Variants in ECT2L observed in about 807,000 individuals in gnomAD.
ECT2L encodes the protein epithelial cell-transforming sequence 2 oncogene-like.
In ECT2L, 126 loss-of-function variants were observed where a neutral mutation model predicts 122.8. The ratio of observed to expected loss-of-function variants is 1.03; its 90% confidence interval spans 0.89 to 1.19. The LOEUF is 1.19. ECT2L is among the 50% of genes most tolerant of loss of function. ECT2L has a pLI of 0.00. For missense variants in ECT2L, 1,012 were observed against 1,064.1 expected (o/e 0.95, Z 0.68); for synonymous variants, 385 against 381.8 (o/e 1.01, Z -0.10).
intron 13 of ECT2L, among the ~76,000 whole-genome samples, chr6:138,876,096 G>A (rs1176642186): frequency 6.6e-6 from 1 of 151,874 alleles, no homozygotes; most frequent in Non-Finnish European, 1.5e-5. Context: ...TCCAGCCTGG[G>A]CGAGAGTGAG....
At chr6:138,868,984 T>C (rs1778148022) in intron 13 of ECT2L, among the ~76,000 whole-genome samples, 1 of 152,090 alleles carries the variant, frequency 6.6e-6, no homozygotes, top group African/African-American at 2.4e-5. Context: ...CTGGCCAACA[T>C]GGTGAAACCC....
At chr6:138,889,998 C>A (rs991913405) in intron 20 of ECT2L, among the ~76,000 whole-genome samples, 10 of 152,118 alleles carry the variant, frequency 6.6e-5, no homozygotes, top group African/African-American at 2.4e-4. Flanking sequence ...ATACACTATT[C>A]ATAAACAGTA....
At chr6:138,836,286 A>T (rs1474493008) in intron 4 of ECT2L, among the ~76,000 whole-genome samples, 3 of 142,600 alleles carry the variant, frequency 2.1e-5, no homozygotes, top group African/African-American at 8.1e-5. Flanking sequence ...AGCATTCATT[A>T]ATCTTTTTTT....
chr6:138,801,383 C>A (rs1480415505), intron 1 of ECT2L, among the ~76,000 whole-genome samples: 1 of 152,082 alleles, frequency 6.6e-6, no homozygotes, highest in Non-Finnish European at 1.5e-5. Flanking sequence ...AGTAAAGGCC[C>A]AGATAATAAA....
chr6:138,864,852 T>C, intron 11 of ECT2L, 144 bp from the exon 12 acceptor site: 1 of 653,468 alleles, frequency 1.5e-6, no homozygotes, highest in Non-Finnish European at 2.4e-6. Context: ...AAACAGAGGA[T>C]GGGTGTTTGT....
At chr6:138,893,145 C>A (rs987412198) in intron 20 of ECT2L, among the ~76,000 whole-genome samples, 1 of 151,432 alleles carries the variant, frequency 6.6e-6, no homozygotes, top group Admixed American at 6.6e-5. Flanking sequence ...TGGACTGTGA[C>A]CTTCACAAGT....
At chr6:138,869,116 G>A (rs140006829) in intron 13 of ECT2L, among the ~76,000 whole-genome samples, 2,357 of 152,262 alleles carry the variant, frequency 0.015, 53 homozygotes, top group African/African-American at 0.054. Context: ...GCAGTGAGCT[G>A]GGATCGTGCC....
intron 4 of ECT2L, among the ~76,000 whole-genome samples, chr6:138,835,051 C>T (rs534804210): frequency 6.6e-6 from 1 of 152,150 alleles, no homozygotes; most frequent in East Asian, 1.9e-4. Flanking sequence ...ATCAAAAAAA[C>T]AGCAGTGACT....
chr6:138,799,090 A>C (rs112684460), intron 1 of ECT2L, among the ~76,000 whole-genome samples: 2,426 of 152,294 alleles, frequency 0.016, 71 homozygotes, highest in African/African-American at 0.055. Context: ...CTGATTCACG[A>C]ATCGTCCATT....
chr6:138,813,409 C>T (rs758979382), intron 3 of ECT2L, 69 bp downstream of exon 3: 4 of 1,174,460 alleles, frequency 3.4e-6, no homozygotes, highest in Non-Finnish European at 4.9e-6. Flanking sequence ...TATATTGGGT[C>T]TCATGTTGCC....
chr6:138,833,380 A>C (rs1776715768), intron 4 of ECT2L, among the ~76,000 whole-genome samples: 1 of 152,206 alleles, frequency 6.6e-6, no homozygotes, highest in Non-Finnish European at 1.5e-5. Flanking sequence ...AAATCCTTAG[A>C]CATATCTTTA....
chr6:138,835,298 C>G (rs1219380253), intron 4 of ECT2L, among the ~76,000 whole-genome samples: 4 of 152,128 alleles, frequency 2.6e-5, no homozygotes, highest in Non-Finnish European at 5.9e-5. Flanking sequence ...CCTGTAATCC[C>G]AGCACTTTGG....
Position 138,844,599 on chromosome 6 carries a change from A to G in ECT2L, c.764+19A>G. On this transcript the variant is annotated intron_variant, in intron 7 of 21. Coordinates refer to ENST00000541398, the MANE Select transcript of ECT2L (RefSeq NM_001077706.3). The stretch of plus-strand genomic sequence containing the variant: ...CCAAGCGGTAAGCAAAATTCCATCT[A>G]CTGAAGGCTCAACACCATCCCAATA... The G allele has an allele frequency of 6.2e-7, 1 of 1,612,298 alleles. No individual in the cohort carries two copies. The highest frequency in any genetic ancestry group is 8.5e-7 in the Non-Finnish European group (1 of 1,178,736).
At chr6:138,902,381 G>A in intron 21 of ECT2L, 119 bp from the exon 22 acceptor site, 4 of 830,050 alleles carry the variant, frequency 4.8e-6, no homozygotes, top group Admixed American at 2.7e-5. Context: ...CACTGAATAT[G>A]TATTTCTTTT....
chr6:138,818,469 T>G (rs539362958), intron 4 of ECT2L, among the ~76,000 whole-genome samples: 1 of 152,290 alleles, frequency 6.6e-6, no homozygotes, highest in African/African-American at 2.4e-5. Flanking sequence ...TACTCCTAGG[T>G]TAATTTTAAA....
At chr6:138,869,646 T>C (rs891809674) in intron 13 of ECT2L, among the ~76,000 whole-genome samples, 2 of 152,134 alleles carry the variant, frequency 1.3e-5, no homozygotes, top group East Asian at 3.8e-4. Flanking sequence ...TTACTCAGCA[T>C]GCTTGGTGTC....
intron 20 of ECT2L, among the ~76,000 whole-genome samples, chr6:138,893,163 AGTTTTTTTTT>A (rs1301895872): frequency 2.1e-5 from 3 of 146,008 alleles, no homozygotes; most frequent in Admixed American, 6.7e-5. Flanking sequence ...AGTGCTTCTC[AGTTTTTTTTT>A]GTTTTTTTTT....
chr6:138,874,159 T>C (rs1778361483), intron 13 of ECT2L, among the ~76,000 whole-genome samples: 1 of 152,140 alleles, frequency 6.6e-6, no homozygotes, highest in Non-Finnish European at 1.5e-5. Context: ...ATGACTAGAA[T>C]GTCTCTGGAA....
At chr6:138,860,832 A>G (rs570361124) in intron 10 of ECT2L, among the ~76,000 whole-genome samples, 1 of 151,610 alleles carries the variant, frequency 6.6e-6, no homozygotes, top group South Asian at 2.1e-4. Flanking sequence ...CTAGGTTTTA[A>G]GCCCTGCACG....
Sources: allele counts gnomAD v4.1 joint callset (sites outside exome capture counted in the v4.1 genomes callset), GRCh38; gene constraint gnomAD v4.1.1; transcripts MANE v1.5; gene names NCBI Gene and HGNC (gene_info 2026-07-23, HGNC 2026-07-21).